ATOX1: variants seen among roughly 807,000 people sequenced by gnomAD.
ATOX1 encodes the protein copper transport protein ATOX1.
Under a neutral mutation model 7.3 loss-of-function variants are expected in ATOX1, and 4 were observed. The ratio of observed to expected loss-of-function variants is 0.55; its 90% CI spans 0.27 to 1.25. The LOEUF is 1.25. Among genes scored for constraint, ATOX1 ranks in the 50% most tolerant of loss-of-function variants. The probability of loss-of-function intolerance (pLI) is 0.12; values close to 1 mark genes in which losing one functional copy is unlikely to be tolerated. For missense variants in ATOX1, 68 were observed against 81.6 expected, an observed-to-expected ratio of 0.83 and a Z score of 0.64; for synonymous variants, 25 against 28.7, an observed-to-expected ratio of 0.87 and a Z score of 0.41.
chr5:151,746,604 G>A lies in ATOX1; in HGVS notation c.83-155C>T, dbSNP rs115525323. The A allele has an allele frequency of 1.6e-3, 1,548 of 956,852 alleles. 16 individuals carry two copies. In the African/African-American group the frequency reaches 0.022, roughly 14 times the overall value. The allele number at this position is 956,852 out of a possible 1,614,324, so 59.3% of individuals were successfully genotyped here. ...AACTTCTTCTGTAACAGGCCAGAAAGCAAATGTTTTAGGCATTGTGGGTCA... is the reference window on the plus strand; with the variant it reads ...AACTTCTTCTGTAACAGGCCAGAAAACAAATGTTTTAGGCATTGTGGGTCA... On this transcript the variant is annotated intron_variant, in intron 2 of 3. Coordinates refer to ENST00000313115, the MANE Select transcript of ATOX1 (RefSeq NM_004045.4).
chr5:151,754,940 G>C (rs1001991757), intron 1 of ATOX1, among the ~76,000 whole-genome samples: 1 of 138,102 alleles, frequency 7.2e-6, no homozygotes. Flanking sequence ...CCAAGACCAT[G>C]CCATTGCACT....
chr5:151,751,299 C>T (rs1171580220), intron 2 of ATOX1, among the ~76,000 whole-genome samples: 5 of 150,584 alleles, frequency 3.3e-5, no homozygotes, highest in African/African-American at 1.2e-4. Context: ...AAATGACACT[C>T]AGATGTGTCA....
intron 3 of ATOX1, chr5:151,744,933 C>T (rs1246507000): frequency 2.6e-5 from 4 of 152,146 alleles, no homozygotes; most frequent in South Asian, 2.1e-4. Context: ...CCCATTTTAC[C>T]GATGGGAAGA....
intron 2 of ATOX1, 55 bp downstream of exon 2, chr5:151,751,649 T>C: frequency 4.5e-6 from 7 of 1,541,880 alleles, no homozygotes; most frequent in Non-Finnish European, 8.8e-7. Flanking sequence ...TCCTGCAACA[T>C]CTGCATGCAT....
At chr5:151,758,385 G>A (rs1762041736) in intron 1 of ATOX1, among the ~76,000 whole-genome samples, 161 bp downstream of exon 1, 1 of 152,270 alleles carries the variant, frequency 6.6e-6, no homozygotes. Flanking sequence ...ATTTTCTGAA[G>A]GGTCGCAAAA....
intron 1 of ATOX1, among the ~76,000 whole-genome samples, chr5:151,755,938 C>CTTTTTT (rs914215313): frequency 4.2e-5 from 5 of 118,444 alleles, no homozygotes; most frequent in East Asian, 2.4e-4. Context: ...TGGGATGATT[C>CTTTTTT]TTTTTTTTTT....
intron 1 of ATOX1, among the ~76,000 whole-genome samples, chr5:151,755,821 T>G (rs1180256024): frequency 2.0e-5 from 3 of 152,122 alleles, no homozygotes; most frequent in Non-Finnish European, 4.4e-5. Flanking sequence ...GATGCATAAC[T>G]GGGTAGTTCT....
chr5:151,744,033 A>G (rs1382267185), intron 3 of ATOX1: 1 of 152,236 alleles, frequency 6.6e-6, no homozygotes, highest in African/African-American at 2.4e-5. Flanking sequence ...ATTATGCTAC[A>G]TGGAAAAAGG....
At position 151,754,318 on chromosome 5, in the gene ATOX1, G is replaced by GT. The variant is rs1029469535; in HGVS notation, c.7-2540dup. Among the ~76,000 whole-genome samples, 66 of 152,074 alleles carry GT rather than the reference G, an allele frequency of 4.3e-4. 1 individual carries two copies. Among genetic ancestry groups the GT allele is most frequent in the Non-Finnish European group, 3.1e-4 (21 of 68,014 alleles). Reference sequence around the variant, plus strand: ...AGATGATGCTCTCCTCTATTAAAAAGTTTTTTTAGGCTGGGCAATGTGGCT... The same window carrying GT: ...AGATGATGCTCTCCTCTATTAAAAAGTTTTTTTTAGGCTGGGCAATGTGGCT... On this transcript the variant is annotated intron_variant, in intron 1 of 3. Transcript: ENST00000313115.
At chr5:151,750,115 C>A (rs1055716626) in intron 2 of ATOX1, among the ~76,000 whole-genome samples, 2 of 152,234 alleles carry the variant, frequency 1.3e-5, no homozygotes, top group Non-Finnish European at 2.9e-5. Flanking sequence ...GCTGACTGAG[C>A]ACTGGCATTG....
chr5:151,746,390 T>C lies in ATOX1; in HGVS notation c.142A>G (p.Met48Val). ...TTCAGGGTTGCAAGCAGAGTGTCCA[T>C]GCTGTGCTCAGATTCAATGCAGACC... ...KKVCIESEHS[M>V]DTLLATLKKT... Residue 48 changes from methionine to valine, a missense_variant, in exon 3 of 4, where the codon ATG becomes GTG. Met to Val is a conservative substitution (Grantham distance 21). Transcript: ENST00000313115. 3 of 1,613,984 alleles carry C rather than the reference T, an allele frequency of 1.9e-6. No homozygotes were observed. Among genetic ancestry groups the C allele is most frequent in the Non-Finnish European group, 2.5e-6 (3 of 1,179,864 alleles).
At chr5:151,756,749 C>T (rs1383022792) in intron 1 of ATOX1, among the ~76,000 whole-genome samples, 1 of 152,238 alleles carries the variant, frequency 6.6e-6, no homozygotes, top group African/African-American at 2.4e-5. Context: ...GCTGGGATTA[C>T]AGGCGTGAGC....
intron 2 of ATOX1, among the ~76,000 whole-genome samples, chr5:151,750,081 A>G (rs1761928281): frequency 6.6e-6 from 1 of 152,230 alleles, no homozygotes; most frequent in South Asian, 2.1e-4. Flanking sequence ...TGTGGAAGAA[A>G]AAGAAAAGAA....
At chr5:151,751,676 T>C in intron 2 of ATOX1, 28 bp downstream of exon 2, 2 of 1,586,646 alleles carry the variant, frequency 1.3e-6, no homozygotes, top group Non-Finnish European at 1.7e-6. Context: ...ATGGCATAAG[T>C]GCACCCAACT....
chr5:151,745,042 C>T (rs1384590850), intron 3 of ATOX1: 1 of 152,190 alleles, frequency 6.6e-6, no homozygotes, highest in Non-Finnish European at 1.5e-5. Flanking sequence ...TGGGTTCATT[C>T]CTGAATATGG....
At chr5:151,755,202 A>G (rs1761999781) in intron 1 of ATOX1, among the ~76,000 whole-genome samples, 1 of 152,178 alleles carries the variant, frequency 6.6e-6, no homozygotes, top group Non-Finnish European at 1.5e-5. Flanking sequence ...GTTTGTACTT[A>G]TATACTGAGC....
chr5:151,749,662 A>AAAAAAAAAAAAAAAGAAAAAG (rs1761920083), intron 2 of ATOX1, among the ~76,000 whole-genome samples: 2 of 138,024 alleles, frequency 1.4e-5, no homozygotes, highest in African/African-American at 5.6e-5. Context: ...CTCCATCTCC[A>AAAAAAAAAAAAAAAGAAAAAG]AAAAAAAAAA....
At chr5:151,747,157 T>C (rs1487635935) in intron 2 of ATOX1, among the ~76,000 whole-genome samples, 5 of 152,004 alleles carry the variant, frequency 3.3e-5, no homozygotes, top group Non-Finnish European at 5.9e-5. Context: ...TAGAGATCAC[T>C]GTGAACAGTC....
At chr5:151,752,355 GGAAA>G in intron 1 of ATOX1, 1 of 698,320 alleles carries the variant, frequency 1.4e-6, no homozygotes, top group Non-Finnish European at 2.6e-6. Context: ...CTGGGTCCAG[GGAAA>G]GAAAGGATTG....
Sources: allele counts gnomAD v4.1 joint callset (sites outside exome capture counted in the v4.1 genomes callset), GRCh38; gene constraint gnomAD v4.1.1; transcripts MANE v1.5; gene names NCBI Gene and HGNC (gene_info 2026-07-23, HGNC 2026-07-21).